TMEM131: variants seen among roughly 807,000 people sequenced by gnomAD.
TMEM131 encodes 2610524E03Rik.
A neutral mutation model predicts 211.6 loss-of-function variants in TMEM131; 66 were observed. That is an observed-to-expected ratio of 0.31 (90% CI 0.26 to 0.38). TMEM131 has a LOEUF of 0.38. Ranked by LOEUF, TMEM131 falls within the 10% of genes least tolerant of loss-of-function variation. The pLI is 1.00. For synonymous variants in TMEM131, 844 were observed against 841.3 expected, an observed-to-expected ratio of 1.00 and a Z score of -0.06; for missense variants, 2,036 against 2,299.3, an observed-to-expected ratio of 0.89 and a Z score of 2.34.
chr2:97,805,047 C>A, intron 22 of TMEM131, 41 bp downstream of exon 22: 3 of 1,357,750 alleles, frequency 2.2e-6, no homozygotes, highest in Non-Finnish European at 3.0e-6. Flanking sequence ...CAATAGTCAT[C>A]TTGTAAAGAT....
At position 97,797,398 on chromosome 2, in the gene TMEM131, T is replaced by C; in HGVS notation, c.2837A>G (p.His946Arg). Residue 946 changes from histidine (H) to arginine (R), a missense_variant, in exon 26 of 41, where the codon CAC becomes CGC. Around this residue, in one of 3 missense-constraint regions of TMEM131, gnomAD observed 1,623 missense variants for 1,805.9 expected, o/e 0.90. Coordinates refer to ENST00000186436, the MANE Select transcript of TMEM131 (RefSeq NM_015348.2). ...KSVKVKFTPV[H>R]NRTVSSLIIV... is the part of the protein sequence containing the mutation. ...GATAAGTGAAGAAACAGTTCTGTTG[T>C]GAACTGGAGTAAACTTTACTTTGAC... 6.2e-7 allele frequency: 1 copy of C among 1,611,468 alleles called. No homozygotes were observed. The highest frequency in any genetic ancestry group is 8.5e-7 in the Non-Finnish European group (1 of 1,179,382).
intron 3 of TMEM131, among the ~76,000 whole-genome samples, chr2:97,891,391 T>C (rs983448983): frequency 1.3e-5 from 2 of 152,196 alleles, no homozygotes. Flanking sequence ...GGCTCACCCT[T>C]TGACAATTTC....
intron 1 of TMEM131, among the ~76,000 whole-genome samples, chr2:97,966,725 C>A (rs937259731): frequency 6.6e-6 from 1 of 152,152 alleles, no homozygotes; most frequent in Non-Finnish European, 1.5e-5. Flanking sequence ...ACATACCAAG[C>A]CCTACAGATG....
At chr2:97,836,955 GACA>G (rs1394961939) in intron 8 of TMEM131, 119 bp downstream of exon 8, 2 of 747,690 alleles carry the variant, frequency 2.7e-6, no homozygotes, top group South Asian at 1.7e-5. Flanking sequence ...TTAACATTAA[GACA>G]ACGATTAAAG....
At chr2:97,767,430 G>T (rs2121271) in intron 33 of TMEM131, among the ~76,000 whole-genome samples, 1 of 152,140 alleles carries the variant, frequency 6.6e-6, no homozygotes, top group Non-Finnish European at 1.5e-5. Context: ...GGGCTACAAA[G>T]GCATTCTTTA....
In TMEM131 at chr2:97,815,740, T is replaced by C. The variant is rs549313767; in HGVS notation, c.1184-433A>G. 2.0e-5 allele frequency among the ~76,000 whole-genome samples: 3 copies of C among 152,192 alleles called. No homozygotes were observed. In the East Asian group the frequency reaches 5.8e-4, roughly 29 times the overall value. ...ACTTGCTAGACGGCAGTAGCATCCC[T>C]GCAGCTGTGACTACCAAAATGCCTC... On this transcript the variant is annotated intron_variant, in intron 12 of 40. Transcript: ENST00000186436.
chr2:97,801,300 A>C (rs1681025057), intron 25 of TMEM131, among the ~76,000 whole-genome samples: 3 of 152,240 alleles, frequency 2.0e-5, no homozygotes. Flanking sequence ...TAAGTTCCCA[A>C]CACACACCCT....
chr2:97,864,827 T>C (rs1674210711), intron 4 of TMEM131, among the ~76,000 whole-genome samples: 1 of 152,176 alleles, frequency 6.6e-6, no homozygotes, highest in Non-Finnish European at 1.5e-5. Context: ...ACTTTATTAT[T>C]CTCCACTTTC....
intron 17 of TMEM131, 105 bp from the exon 18 acceptor site, chr2:97,811,337 A>G (rs1681540082): frequency 1.3e-6 from 1 of 782,978 alleles, no homozygotes; most frequent in African/African-American, 1.7e-5. Flanking sequence ...AAATCCTAAC[A>G]TATACCAGTA....
At chr2:97,965,553 C>CT (rs1234427448) in intron 1 of TMEM131, among the ~76,000 whole-genome samples, 2 of 152,194 alleles carry the variant, frequency 1.3e-5, no homozygotes, top group African/African-American at 4.8e-5. Context: ...CACATAATAG[C>CT]TACCACTTAC....
At chr2:97,777,771 T>C (rs2104826513) in intron 31 of TMEM131, among the ~76,000 whole-genome samples, 1 of 152,300 alleles carries the variant, frequency 6.6e-6, no homozygotes, top group East Asian at 1.9e-4. Flanking sequence ...ATTATAATCG[T>C]GCCACTGTGC....
In TMEM131 at chr2:97,792,379, T is replaced by G. The variant is rs749679050; in HGVS notation, c.4144+7A>C. ...ATCACGGATCTCCGGCAGTGGGAGA[T>G]GATTACCTTTGCTTTTTGGCAATGG... is the stretch of plus-strand genomic sequence containing the variant. On this transcript the variant is annotated splice_region_variant and intron_variant, in intron 31 of 40. Coordinates refer to ENST00000186436, the MANE Select transcript of TMEM131 (RefSeq NM_015348.2). The G allele has an allele frequency of 2.6e-6, 4 of 1,556,442 alleles. No individual in the cohort carries two copies. The highest frequency in any genetic ancestry group is 3.5e-6 in the Non-Finnish European group (4 of 1,149,080).
At position 97,848,827 on chromosome 2, in the gene TMEM131, T is replaced by C. The variant is rs76833673; in HGVS notation, c.484-4566A>G. ...TTTGATAAACTGGACACCATGAAAATTATAAACTTCTGCTCTTTCAAATAT... is the reference window on the plus strand; with the variant it reads ...TTTGATAAACTGGACACCATGAAAACTATAAACTTCTGCTCTTTCAAATAT... On this transcript the variant is annotated intron_variant, in intron 5 of 40. Coordinates refer to ENST00000186436, the MANE Select transcript of TMEM131 (RefSeq NM_015348.2). Among the ~76,000 whole-genome samples the C allele has an allele frequency of 3.2e-3, 490 of 152,102 alleles. 7 individuals are homozygous for C. The East Asian group carries it at 0.041, about 13-fold the overall frequency.
At chr2:97,760,076 T>C (rs1678739167) in intron 38 of TMEM131, 1 of 310,270 alleles carries the variant, frequency 3.2e-6, no homozygotes, top group East Asian at 6.9e-5. Flanking sequence ...AGAACTCATT[T>C]CCTATTAGTG....
chr2:97,964,321 T>C (rs150606841), intron 1 of TMEM131, among the ~76,000 whole-genome samples: 253 of 152,362 alleles, frequency 1.7e-3, no homozygotes, highest in Non-Finnish European at 2.2e-3. Flanking sequence ...CTAATCTCTG[T>C]TTCCTTGCAA....
intron 5 of TMEM131, among the ~76,000 whole-genome samples, chr2:97,847,569 G>C (rs1183368249): frequency 1.3e-5 from 2 of 152,164 alleles, no homozygotes; most frequent in Non-Finnish European, 2.9e-5. Flanking sequence ...TCATGGGTTA[G>C]AAGACTCAAT....
intron 1 of TMEM131, among the ~76,000 whole-genome samples, chr2:97,962,756 A>G (rs923993310): frequency 2.0e-5 from 3 of 152,258 alleles, no homozygotes; most frequent in Non-Finnish European, 4.4e-5. Context: ...AGCTTTAATC[A>G]TAATAGCCCT....
chr2:97,810,148 T>C (rs1351109682), intron 18 of TMEM131, among the ~76,000 whole-genome samples: 2 of 152,142 alleles, frequency 1.3e-5, no homozygotes, highest in East Asian at 3.8e-4. Flanking sequence ...TAAAACAATG[T>C]ATGTAAAATC....
chr2:97,837,370 T>C (rs1682987233), intron 7 of TMEM131, among the ~76,000 whole-genome samples: 1 of 152,210 alleles, frequency 6.6e-6, no homozygotes, highest in African/African-American at 2.4e-5. Context: ...ACTTTGAAAA[T>C]TTAACTTAGA....
Sources: allele counts gnomAD v4.1 joint callset (sites outside exome capture counted in the v4.1 genomes callset), GRCh38; gene constraint gnomAD v4.1.1; regional missense constraint gnomAD v4.1.1; transcripts MANE v1.5; gene names NCBI Gene and HGNC (gene_info 2026-07-23, HGNC 2026-07-21).